IRAG1: variants seen among roughly 807,000 people sequenced by gnomAD.
The protein encoded by IRAG1 is inositol 1,4,5-triphosphate receptor associated 1.
In IRAG1, 62 loss-of-function variants were observed where a neutral mutation model predicts 106.2. The observed-to-expected ratio is 0.58, with a 90% CI of 0.48 to 0.72. The LOEUF is 0.72. Ranked by LOEUF, IRAG1 falls within the 30% of genes least tolerant of loss-of-function variation. IRAG1 has a pLI of 0.00. For synonymous variants in IRAG1, 462 were observed against 443.9 expected (o/e 1.04, Z -0.51); for missense variants, 1,064 against 1,140.7 (o/e 0.93, Z 0.97).
At chr11:10,613,293 T>C (rs1043829437) in intron 10 of IRAG1, among the ~76,000 whole-genome samples, 1 of 147,362 alleles carries the variant, frequency 6.8e-6, no homozygotes, top group African/African-American at 2.5e-5. Context: ...GACATCTACA[T>C]GGGAAAGTGA....
At chr11:10,630,758 G>T (rs376971345) in intron 4 of IRAG1, among the ~76,000 whole-genome samples, 1 of 152,224 alleles carries the variant, frequency 6.6e-6, no homozygotes, top group African/African-American at 2.4e-5. Context: ...TGTCTGCAGT[G>T]AACAGCTCCC....
At chr11:10,649,926 C>T (rs536156990) in intron 2 of IRAG1, among the ~76,000 whole-genome samples, 17 of 152,262 alleles carry the variant, frequency 1.1e-4, no homozygotes, top group African/African-American at 3.6e-4. Context: ...TCTCTGTGCC[C>T]ATGGGAAATC....
intron 2 of IRAG1, among the ~76,000 whole-genome samples, chr11:10,641,765 A>C (rs980421030): frequency 6.6e-6 from 1 of 152,196 alleles, no homozygotes; most frequent in Non-Finnish European, 1.5e-5. Flanking sequence ...GGCCATGAGC[A>C]TGGGGTAGAA....
Position 10,593,523 on chromosome 11 carries a change from C to T in IRAG1, c.2144G>A (p.Ser715Asn), listed in dbSNP as rs1361439629. The change falls in exon 17 of 21, where the codon AGC becomes AAC. Residue 715 changes from serine to asparagine, a missense_variant. By Grantham distance (46) the Ser-to-Asn change is conservative (BLOSUM62 1). Coordinates refer to ENST00000423302, the MANE Select transcript of IRAG1 (RefSeq NM_130385.4). ...TGGTAAGGAGGGAATGGATGATGAG[C>T]TGGGAGTTTGGCCAGGCAGATTCAG... ...NALNLPGQTPSSSSIPSLPAL... is the reference protein window; with the variant it reads ...NALNLPGQTPNSSSIPSLPAL... 6.2e-7 allele frequency: 1 copy of T among 1,613,792 alleles called. No homozygotes were observed. Among genetic ancestry groups the T allele is most frequent in the Non-Finnish European group, 8.5e-7 (1 of 1,179,758 alleles).
chr11:10,608,109 TTTTTA>T (rs1486083750), intron 11 of IRAG1, among the ~76,000 whole-genome samples: 1 of 152,112 alleles, frequency 6.6e-6, no homozygotes, highest in Non-Finnish European at 1.5e-5. Context: ...ACCCACCTTA[TTTTTA>T]TTTTATTTAT....
chr11:10,631,880 C>A, intron 4 of IRAG1, 111 bp downstream of exon 4: 1 of 834,500 alleles, frequency 1.2e-6, no homozygotes, highest in South Asian at 1.4e-5. Context: ...TCCTGTTGGA[C>A]TTATCGGGAG....
At chr11:10,660,872 T>C (rs561621764) in intron 1 of IRAG1, among the ~76,000 whole-genome samples, 2 of 152,334 alleles carry the variant, frequency 1.3e-5, no homozygotes, top group South Asian at 2.1e-4. Context: ...CTGAGTCCCA[T>C]CAATCCTAGT....
At chr11:10,589,016 C>T (rs973360319) in intron 18 of IRAG1, 2 of 152,188 alleles carry the variant, frequency 1.3e-5, no homozygotes, top group Non-Finnish European at 2.9e-5. Context: ...TTTAAGTCTA[C>T]AGGTTTCTAG....
At chr11:10,668,304 A>G (rs1479188672) in intron 1 of IRAG1, among the ~76,000 whole-genome samples, 1 of 152,270 alleles carries the variant, frequency 6.6e-6, no homozygotes, top group Non-Finnish European at 1.5e-5. Flanking sequence ...ATTATGAAAA[A>G]TATTCAAATT....
intron 11 of IRAG1, among the ~76,000 whole-genome samples, chr11:10,607,070 A>G (rs1854538253): frequency 6.6e-6 from 1 of 151,920 alleles, no homozygotes; most frequent in Non-Finnish European, 1.5e-5. Flanking sequence ...TAAGCACTAT[A>G]TGTACTCATG....
intron 10 of IRAG1, among the ~76,000 whole-genome samples, chr11:10,623,128 G>C (rs1207349532): frequency 2.0e-5 from 3 of 152,172 alleles, no homozygotes; most frequent in Admixed American, 1.3e-4. Context: ...TCCAACTCGT[G>C]GTGGGGCTCG....
At chr11:10,597,856 C>T (rs1012542142) in intron 15 of IRAG1, among the ~76,000 whole-genome samples, 34 of 152,182 alleles carry the variant, frequency 2.2e-4, no homozygotes, top group Non-Finnish European at 5.0e-4. Context: ...TGTCCAGATG[C>T]AGGGTCTGTC....
chr11:10,633,673 C>T (rs372014638), intron 3 of IRAG1, among the ~76,000 whole-genome samples: 2 of 152,088 alleles, frequency 1.3e-5, no homozygotes, highest in African/African-American at 4.8e-5. Context: ...CTTCTGGGGC[C>T]CCTGGGCATT....
At chr11:10,692,699 C>A (rs796587436) in intron 1 of IRAG1, among the ~76,000 whole-genome samples, 41 of 152,338 alleles carry the variant, frequency 2.7e-4, no homozygotes, top group African/African-American at 9.1e-4. Flanking sequence ...CTCTGGGAGG[C>A]TGGAGTGCTG....
At position 10,576,124 on chromosome 11, in the gene IRAG1, T is replaced by C. The variant is rs11042883; in HGVS notation, c.*208A>G. Reference sequence around the variant, plus strand: ...TGACTTCTTCATCCACTGGATGCTTTCCCAGGGCAGTTTTGTTGATCCTCC... The same window carrying C: ...TGACTTCTTCATCCACTGGATGCTTCCCCAGGGCAGTTTTGTTGATCCTCC... On this transcript the variant is annotated 3_prime_UTR_variant, in exon 21 of 21. Transcript: ENST00000423302. 0.4 allele frequency: 245,909 copies of C among 618,800 alleles called. 54,066 individuals are homozygous for C. The highest frequency in any genetic ancestry group is 0.69 in the East Asian group (23,343 of 33,888). The allele number at this position is 618,800 out of a possible 1,614,324, so 38.3% of individuals were successfully genotyped here.
rs1344084435 is a variant in IRAG1 at position 10,609,707 on chromosome 11, T to C, written c.1571+21A>G. On this transcript the variant is annotated intron_variant, in intron 11 of 20. Transcript: ENST00000423302. Reference sequence around the variant, plus strand: ...GGGCCACTCGGTACAGGGCCTTCTGTAACCCACATCCTGATTTTACCTTCC... The same window carrying C: ...GGGCCACTCGGTACAGGGCCTTCTGCAACCCACATCCTGATTTTACCTTCC... The C allele has an allele frequency of 1.9e-6, 3 of 1,607,014 alleles. No individual in the cohort carries two copies. In the African/African-American group the frequency reaches 4.3e-5, roughly 23 times the overall value.
intron 18 of IRAG1, among the ~76,000 whole-genome samples, chr11:10,586,473 A>G (rs1472215021): frequency 6.8e-6 from 1 of 146,242 alleles, no homozygotes; most frequent in African/African-American, 2.6e-5. Context: ...GCTGGAGTGC[A>G]GTGGCATGAT....
intron 11 of IRAG1, among the ~76,000 whole-genome samples, chr11:10,607,310 G>A (rs1454871342): frequency 1.3e-5 from 2 of 152,224 alleles, no homozygotes; most frequent in African/African-American, 4.8e-5. Context: ...TGACAAAGGT[G>A]CATGCGGGCC....
At position 10,652,135 on chromosome 11, in the gene IRAG1, C is replaced by T. The variant is rs1043240132; in HGVS notation, c.115G>A (p.Glu39Lys). The T allele has an allele frequency of 1.3e-5, 21 of 1,613,092 alleles. No individual in the cohort carries two copies. The highest frequency in any genetic ancestry group is 1.8e-5 in the Non-Finnish European group (21 of 1,179,592). Residue 39 changes from glutamate (E) to lysine (K), a missense_variant, in exon 2 of 21, where the codon GAG becomes AAG. Glu to Lys is a moderately conservative substitution (Grantham distance 56). Transcript: ENST00000423302. ...SWSIFGADAAEVPGTRGHSQQ... is the reference protein window; with the variant it reads ...SWSIFGADAAKVPGTRGHSQQ... ...GAGTGGCCACGTGTGCCCGGAACCT[C>T]CGCTGCGTCAGCCCCAAAGATGCTC...
Sources: gnomAD v4.1 joint callset for allele counts (sites outside exome capture counted in the v4.1 genomes callset) on GRCh38, gnomAD v4.1.1 for gene constraint, MANE v1.5 for transcripts, NCBI Gene and HGNC (gene_info 2026-07-23, HGNC 2026-07-21) for gene names.